The following SLC26A7 variants were observed in gnomAD, a reference collection of about 807,000 sequenced individuals.
SLC26A7 encodes the protein anion exchange transporter.
Under a neutral mutation model 82.5 loss-of-function variants are expected in SLC26A7, and 59 were observed. The observed-to-expected ratio is 0.72, with a 90% CI of 0.58 to 0.89. The LOEUF is 0.89. Among genes scored for constraint, SLC26A7 ranks in the 40% least tolerant of loss-of-function variants. The pLI is 0.00. For missense variants in SLC26A7, 820 were observed against 793.0 expected, an observed-to-expected ratio of 1.03 and a Z score of -0.41; for synonymous variants, 271 against 274.3, an observed-to-expected ratio of 0.99 and a Z score of 0.12.
rs35968986 is a variant in SLC26A7 at position 91,210,562 on chromosome 8, G to GACACACACACACAC, written c.-150+1040_-150+1053dup. 7.0e-3 allele frequency among the ~76,000 whole-genome samples: 1,027 copies of GACACACACACACAC among 146,176 alleles called. 11 individuals are homozygous for GACACACACACACAC. Among genetic ancestry groups the GACACACACACACAC allele is most frequent in the African/African-American group, 0.019 (766 of 39,862 alleles). ...TTAAACACAGACACACACACACACAGACACACACACACACACACACACACA... is the reference window on the plus strand; with the variant it reads ...TTAAACACAGACACACACACACACAGACACACACACACACACACACACACACACACACACACACA... On this transcript the variant is annotated intron_variant, in intron 1 of 5. Coordinates refer to the SLC26A7 transcript ENST00000522862.
At chr8:91,274,162 G>A (rs1811345123) in intron 2 of SLC26A7, among the ~76,000 whole-genome samples, 1 of 152,058 alleles carries the variant, frequency 6.6e-6, no homozygotes. Flanking sequence ...CTAGTACAAA[G>A]GAAATGTTCA....
intron 4 of SLC26A7, among the ~76,000 whole-genome samples, chr8:91,308,390 A>G (rs1400090718): frequency 1.3e-5 from 2 of 148,206 alleles, no homozygotes; most frequent in East Asian, 3.9e-4. Flanking sequence ...AGCAGCCATC[A>G]CCGTCATCTG....
chr8:91,274,077 T>C (rs1202434888), intron 2 of SLC26A7, among the ~76,000 whole-genome samples: 1 of 152,164 alleles, frequency 6.6e-6, no homozygotes, highest in Non-Finnish European at 1.5e-5. Flanking sequence ...GTATGTAAAA[T>C]AGGGACAATA....
intron 6 of SLC26A7, among the ~76,000 whole-genome samples, chr8:91,336,562 G>C (rs781767844): frequency 1.3e-5 from 2 of 151,878 alleles, no homozygotes; most frequent in Non-Finnish European, 2.9e-5. Flanking sequence ...CCACAAAGCT[G>C]ATCCCCGGTG....
In SLC26A7 at chr8:91,362,298, GAGA is replaced by G. The variant is rs1814071356; in HGVS notation, c.1315-49_1315-47del. On this transcript the variant is annotated intron_variant, in intron 11 of 18. Transcript: ENST00000276609. The stretch of plus-strand genomic sequence containing the variant: ...TGATTGTGAGGAACTTAGCAATAAT[GAGA>G]AGAAGTGAATTCCAAAGGATTCACA... 1.3e-5 allele frequency: 17 copies of G among 1,313,726 alleles called. No homozygotes were observed. In the South Asian group the frequency reaches 1.4e-4, roughly 11 times the overall value. The allele number at this position is 1,313,726 out of a possible 1,614,324, so 81.4% of individuals were successfully genotyped here. A position where few individuals can be genotyped will look rare whatever the true frequency, so the allele number is the denominator to read the frequency against.
In SLC26A7 at chr8:91,340,648, T is replaced by C. The variant is rs566868091; in HGVS notation, c.1026+97T>C. On this transcript the variant is annotated intron_variant, in intron 8 of 18. Coordinates refer to ENST00000276609, the MANE Select transcript of SLC26A7 (RefSeq NM_052832.4). ...GATGAACTTATGAAAAATAAAACTT[T>C]CCTAACTGTACAGCAAGAGTGGGTT... 16 of 1,494,668 alleles carry C rather than the reference T, an allele frequency of 1.1e-5. No individual in the cohort carries two copies. The African/African-American group carries it at 1.7e-4, about 15-fold the overall frequency. 92.6% of individuals were successfully genotyped at this position (1,494,668 alleles called of 1,614,324 possible).
chr8:91,299,485 A>C (rs1265481131), intron 4 of SLC26A7, among the ~76,000 whole-genome samples: 4 of 151,864 alleles, frequency 2.6e-5, no homozygotes, highest in African/African-American at 9.7e-5. Context: ...GTGGTGTGTG[A>C]TATGGATGTA....
At chr8:91,236,157 C>A (rs567968765) in intron 2 of SLC26A7, among the ~76,000 whole-genome samples, 2 of 152,122 alleles carry the variant, frequency 1.3e-5, no homozygotes, top group South Asian at 4.2e-4. Context: ...GGGAAAATTT[C>A]TTTTCCAAAA....
chr8:91,316,170 T>C (rs955576882), intron 4 of SLC26A7, among the ~76,000 whole-genome samples: 26 of 152,334 alleles, frequency 1.7e-4, no homozygotes, highest in African/African-American at 6.3e-4. Flanking sequence ...GTACCAGATA[T>C]CACTTTATAT....
intron 11 of SLC26A7, among the ~76,000 whole-genome samples, chr8:91,360,332 A>T (rs1232269713): frequency 1.3e-5 from 2 of 152,140 alleles, no homozygotes; most frequent in Non-Finnish European, 2.9e-5. Flanking sequence ...GTGAGTGCCA[A>T]ATAGGAAGAG....
chr8:91,296,843 T>C (rs928064856), intron 4 of SLC26A7, among the ~76,000 whole-genome samples: 1 of 152,164 alleles, frequency 6.6e-6, no homozygotes, highest in Admixed American at 6.5e-5. Flanking sequence ...TTTCCAACCA[T>C]GGATGTCAGC....
At chr8:91,245,445 G>A (rs1053823978), upstream of SLC26A7, among the ~76,000 whole-genome samples, 90 of 152,122 alleles carry the variant, frequency 5.9e-4, no homozygotes, top group African/African-American at 1.6e-3. Context: ...TTGTGTGGAC[G>A]TATCCCCATG....
chr8:91,237,517 A>T (rs1162929017), intron 2 of SLC26A7, among the ~76,000 whole-genome samples: 1 of 152,082 alleles, frequency 6.6e-6, no homozygotes, highest in Non-Finnish European at 1.5e-5. Context: ...TTTTTAAAGG[A>T]TGCTCCTGTA....
chr8:91,380,036 G>A (rs1814626155), intron 15 of SLC26A7, among the ~76,000 whole-genome samples: 1 of 152,068 alleles, frequency 6.6e-6, no homozygotes, highest in Non-Finnish European at 1.5e-5. Context: ...TATACATATA[G>A]GAATATGCTT....
intron 11 of SLC26A7, among the ~76,000 whole-genome samples, chr8:91,359,033 A>T (rs775515433): frequency 2.7e-4 from 41 of 152,236 alleles, no homozygotes; most frequent in Non-Finnish European, 4.7e-4. Flanking sequence ...TACATATGTA[A>T]CAAACCTGCA....
chr8:91,368,487 T>C (rs554913031), intron 14 of SLC26A7, among the ~76,000 whole-genome samples: 100 of 151,650 alleles, frequency 6.6e-4, no homozygotes, highest in African/African-American at 2.1e-3. Flanking sequence ...GGCCCGATCT[T>C]GGCTCACTGC....
In SLC26A7 at chr8:91,226,954, G is replaced by A. The variant is rs372607894; in HGVS notation, c.-34+7949G>A. On this transcript the variant is annotated intron_variant, in intron 2 of 5. Transcript: ENST00000522862. ...GGAAATTTACTGTTACTGGTTGCATGGTCATATATCAAGTGTTACCATAGT... is the reference window on the plus strand; with the variant it reads ...GGAAATTTACTGTTACTGGTTGCATAGTCATATATCAAGTGTTACCATAGT... Among the ~76,000 whole-genome samples the A allele has an allele frequency of 1.1e-4, 16 of 152,338 alleles. No individual in the cohort carries two copies. In the South Asian group the frequency reaches 2.1e-3, roughly 20 times the overall value.
chr8:91,308,455 G>A (rs1009673473), intron 4 of SLC26A7, among the ~76,000 whole-genome samples: 10 of 152,108 alleles, frequency 6.6e-5, no homozygotes, highest in African/African-American at 2.4e-4. Flanking sequence ...TTAAACAAGT[G>A]ACAGTCTCAC....
At chr8:91,276,024 C>T (rs1030475272) in intron 2 of SLC26A7, among the ~76,000 whole-genome samples, 4 of 152,122 alleles carry the variant, frequency 2.6e-5, no homozygotes, top group Admixed American at 6.6e-5. Context: ...AGTAAATTAA[C>T]CCTTTCAGAG....
Sources: allele counts gnomAD v4.1 joint callset (sites outside exome capture counted in the v4.1 genomes callset), GRCh38; gene constraint gnomAD v4.1.1; transcripts MANE v1.5; gene names NCBI Gene and HGNC (gene_info 2026-07-23, HGNC 2026-07-21).